SGCZ: variants seen among roughly 807,000 people sequenced by gnomAD.
The protein encoded by SGCZ is zeta-sarcoglycan.
Under a neutral mutation model 41.3 loss-of-function variants are expected in SGCZ, and 40 were observed. The observed-to-expected ratio is 0.97, with a 90% confidence interval of 0.75 to 1.26. SGCZ has a LOEUF of 1.26. Ranked by LOEUF, SGCZ falls within the 50% of genes most tolerant of loss-of-function variation. The probability of loss-of-function intolerance (pLI) is 0.00; values close to 1 mark genes in which losing one functional copy is unlikely to be tolerated. For missense variants in SGCZ, 552 were observed against 369.8 expected (o/e 1.49, Z -4.04); for synonymous variants, 206 against 137.5 (o/e 1.50, Z -3.49).
At position 14,533,570 on chromosome 8, in the gene SGCZ, T is replaced by G. The variant is rs183630037; in HGVS notation, c.234+21162A>C. On this transcript the variant is annotated intron_variant, in intron 2 of 7. Coordinates refer to ENST00000382080, the MANE Select transcript of SGCZ (RefSeq NM_139167.4). ...GTGGTTTTTGTTTCAAAGAAACTCATGATGACATACTTTTGAAGATCTAAG... is the reference window on the plus strand; with the variant it reads ...GTGGTTTTTGTTTCAAAGAAACTCAGGATGACATACTTTTGAAGATCTAAG... Among the ~76,000 whole-genome samples the G allele has an allele frequency of 5.3e-5, 8 of 152,148 alleles. No homozygotes were observed. In the East Asian group the frequency reaches 1.6e-3, roughly 30 times the overall value.
chr8:14,148,537 TA>T (rs762956396), intron 5 of SGCZ, among the ~76,000 whole-genome samples: 24 of 150,576 alleles, frequency 1.6e-4, no homozygotes, highest in Admixed American at 5.3e-4. Context: ...AAAGGCATAA[TA>T]AAAAAAAATC....
intron 5 of SGCZ, among the ~76,000 whole-genome samples, chr8:14,130,505 A>G (rs1803008014): frequency 6.6e-6 from 1 of 152,214 alleles, no homozygotes. Context: ...GAATAAAACA[A>G]CAAATAAATA....
intron 1 of SGCZ, among the ~76,000 whole-genome samples, chr8:15,026,535 A>T (rs1803462933): frequency 6.6e-6 from 1 of 152,190 alleles, no homozygotes; most frequent in Admixed American, 6.5e-5. Flanking sequence ...ATTGATTCCC[A>T]TTTTTATGTA....
chr8:14,349,555 C>T (rs190470530), intron 2 of SGCZ, among the ~76,000 whole-genome samples: 3 of 152,224 alleles, frequency 2.0e-5, no homozygotes, highest in East Asian at 3.9e-4. Context: ...TTTACCTATT[C>T]TCCCATCTCC....
At chr8:14,597,822 A>G (rs1382166507) in intron 1 of SGCZ, among the ~76,000 whole-genome samples, 1 of 152,136 alleles carries the variant, frequency 6.6e-6, no homozygotes, top group East Asian at 1.9e-4. Context: ...TGACTCAACC[A>G]TGAGCACCAC....
At chr8:15,218,381 T>C (rs1443344865) in intron 1 of SGCZ, among the ~76,000 whole-genome samples, 2 of 152,206 alleles carry the variant, frequency 1.3e-5, no homozygotes, top group Non-Finnish European at 2.9e-5. Flanking sequence ...AATTAGGTTT[T>C]AATGCATGCA....
At chr8:15,092,229 G>C (rs1356770822) in intron 1 of SGCZ, among the ~76,000 whole-genome samples, 1 of 152,108 alleles carries the variant, frequency 6.6e-6, no homozygotes, top group Non-Finnish European at 1.5e-5. Context: ...CATTAGTTTA[G>C]CTATCTGCTT....
At chr8:14,485,742 A>G (rs1801653097) in intron 2 of SGCZ, among the ~76,000 whole-genome samples, 4 of 152,076 alleles carry the variant, frequency 2.6e-5, no homozygotes, top group Admixed American at 2.6e-4. Context: ...AACTCTCACT[A>G]GACACATGCA....
At chr8:14,388,043 T>C (rs1804636682) in intron 2 of SGCZ, among the ~76,000 whole-genome samples, 1 of 152,128 alleles carries the variant, frequency 6.6e-6, no homozygotes, top group Admixed American at 6.6e-5. Context: ...CTGTGCAGTA[T>C]GGTCTTTAGT....
intron 1 of SGCZ, among the ~76,000 whole-genome samples, chr8:14,978,624 T>C (rs1801564852): frequency 6.6e-6 from 1 of 151,876 alleles, no homozygotes; most frequent in Non-Finnish European, 1.5e-5. Flanking sequence ...GCCAGCTGCA[T>C]CCCAACTTCC....
intron 1 of SGCZ, among the ~76,000 whole-genome samples, chr8:14,813,453 A>G (rs558031149): frequency 6.6e-6 from 1 of 152,304 alleles, no homozygotes; most frequent in South Asian, 2.1e-4. Flanking sequence ...AATCTGATAA[A>G]TTGTTCGTTA....
intron 1 of SGCZ, among the ~76,000 whole-genome samples, chr8:14,710,369 C>CAAAAAAAAAA (rs770994264): frequency 1.1e-5 from 1 of 92,432 alleles, no homozygotes; most frequent in Non-Finnish European, 2.2e-5. Flanking sequence ...GACTCCGCAT[C>CAAAAAAAAAA]AAAAAAAAAA....
At chr8:14,844,326 C>T (rs1158560863) in intron 1 of SGCZ, among the ~76,000 whole-genome samples, 1 of 152,116 alleles carries the variant, frequency 6.6e-6, no homozygotes, top group African/African-American at 2.4e-5. Flanking sequence ...TTTTCTTTCC[C>T]TAATTATTCT....
chr8:14,905,991 T>G (rs943809526), intron 1 of SGCZ, among the ~76,000 whole-genome samples: 1 of 152,066 alleles, frequency 6.6e-6, no homozygotes, highest in Non-Finnish European at 1.5e-5. Flanking sequence ...GGTTGAAATA[T>G]TTTTTAAAAA....
At chr8:14,959,408 T>C (rs1800893349) in intron 1 of SGCZ, among the ~76,000 whole-genome samples, 1 of 152,150 alleles carries the variant, frequency 6.6e-6, no homozygotes, top group Non-Finnish European at 1.5e-5. Context: ...AACTAATCCA[T>C]GGATATCGTA....
intron 1 of SGCZ, among the ~76,000 whole-genome samples, chr8:14,574,369 T>C (rs904431063): frequency 1.3e-5 from 2 of 151,964 alleles, no homozygotes; most frequent in East Asian, 3.9e-4. Context: ...CCAGAATCAC[T>C]TTCCCTAAAG....
At chr8:14,733,240 C>A (rs1223631859) in intron 1 of SGCZ, among the ~76,000 whole-genome samples, 4 of 152,158 alleles carry the variant, frequency 2.6e-5, no homozygotes, top group African/African-American at 9.7e-5. Flanking sequence ...AGCTGCAGAT[C>A]CCACCAAAAG....
intron 1 of SGCZ, among the ~76,000 whole-genome samples, chr8:14,669,076 T>C (rs956089681): frequency 3.3e-5 from 5 of 152,048 alleles, no homozygotes; most frequent in Admixed American, 6.6e-5. Flanking sequence ...GGCTCAGGCC[T>C]GTAATCCCAG....
intron 1 of SGCZ, among the ~76,000 whole-genome samples, chr8:14,986,093 G>A (rs928500489): frequency 6.6e-6 from 1 of 151,956 alleles, no homozygotes; most frequent in Non-Finnish European, 1.5e-5. Flanking sequence ...ATATATACAT[G>A]TATGGCACAT....
Sources: allele counts gnomAD v4.1 joint callset (sites outside exome capture counted in the v4.1 genomes callset), GRCh38; gene constraint gnomAD v4.1.1; transcripts MANE v1.5; gene names NCBI Gene and HGNC (gene_info 2026-07-23, HGNC 2026-07-21).